Variants in OSBPL10 observed in about 807,000 individuals in gnomAD.
The protein encoded by OSBPL10 is oxysterol binding protein like 10.
OSBPL10 carries 49 observed loss-of-function variants against 81.7 expected under a neutral mutation model. That is an observed-to-expected ratio of 0.60 (90% CI 0.48 to 0.76). The LOEUF (loss-of-function observed/expected upper bound fraction) is 0.76, where lower values mean the gene tolerates loss of function less well. Among genes scored for constraint, OSBPL10 ranks in the 30% least tolerant of loss-of-function variants. OSBPL10 has a pLI of 0.00. For missense variants in OSBPL10, 923 were observed against 987.8 expected, an observed-to-expected ratio of 0.93 and a Z score of 0.88; for synonymous variants, 419 against 383.6, an observed-to-expected ratio of 1.09 and a Z score of -1.08.
chr3:32,041,518 A>G (rs987233564), intron 2 of OSBPL10, among the ~76,000 whole-genome samples: 22 of 152,184 alleles, frequency 1.4e-4, no homozygotes, highest in Non-Finnish European at 1.5e-5. Flanking sequence ...TAAAATGGTC[A>G]CACGCCTCCT....
rs183543796 is a variant in OSBPL10 at position 31,840,481 on chromosome 3, G to A, written c.538-10250C>T. ...GACATCATCAACATGCCCAAGCGGC[G>A]TGCAGACTCCTACAGGAGCTGTGGA... On this transcript the variant is annotated intron_variant, in intron 3 of 11. Transcript: ENST00000396556. Among the ~76,000 whole-genome samples the A allele has an allele frequency of 3.6e-4, 55 of 152,318 alleles. 1 individual carries two copies. Among genetic ancestry groups the A allele is most frequent in the Middle Eastern group, 6.8e-3 (2 of 294 alleles).
Position 31,981,199 on chromosome 3 carries a change from C to T in OSBPL10, c.-20G>A. 1 of 1,375,508 alleles carries T rather than the reference C, an allele frequency of 7.3e-7. No homozygotes were observed. The highest frequency in any genetic ancestry group is 9.3e-7 in the Non-Finnish European group (1 of 1,070,344). The allele number at this position is 1,375,508 out of a possible 1,614,324, so 85.2% of individuals were successfully genotyped here. A position where few individuals can be genotyped will look rare whatever the true frequency, so the allele number is the denominator to read the frequency against. On this transcript the variant is annotated 5_prime_UTR_variant, in exon 1 of 12. Transcript: ENST00000396556. The surrounding 1 kb of genome is among the most constrained non-coding windows in gnomAD (Gnocchi z 4.5). ...CTCCATGGTCCGTGGGCGCCCGGGA[C>T]GCGGGTGCCCGCCGCGGTGGCGGCC...
chr3:31,861,239 G>A (rs60347783), intron 3 of OSBPL10, among the ~76,000 whole-genome samples: 6,071 of 152,100 alleles, frequency 0.04, 209 homozygotes, highest in South Asian at 0.094. Context: ...TGGTGTCCAT[G>A]GGGGATTAGT....
chr3:31,894,730 T>G (rs1696003351), intron 1 of OSBPL10, among the ~76,000 whole-genome samples: 1 of 152,194 alleles, frequency 6.6e-6, no homozygotes, highest in Non-Finnish European at 1.5e-5. Flanking sequence ...TGCCACTGAT[T>G]GATTAGCGGT....
rs1027323678 is a variant in OSBPL10, at chr3:32,030,615, T to C, written n.298+15876A>G. 28 of 1,342,436 alleles carry C rather than the reference T, an allele frequency of 2.1e-5. No homozygotes were observed. In the African/African-American group the frequency reaches 2.7e-4, roughly 13 times the overall value. 83.2% of individuals were successfully genotyped at this position (1,342,436 alleles called of 1,614,324 possible). A position where few individuals can be genotyped will look rare whatever the true frequency, so the allele number is the denominator to read the frequency against. On this transcript the variant is annotated intron_variant and non_coding_transcript_variant, in intron 2 of 3. Transcript: ENST00000479173. ...CTGCTCCACCCAGAGAAGCACACTT[T>C]GTGAGAACCAATGGGAAGTAGCCTG...
Position 31,728,845 on chromosome 3 carries a change from T to C in OSBPL10, c.1095+4412A>G, listed in dbSNP as rs1015148302. On this transcript the variant is annotated intron_variant, in intron 6 of 11. Coordinates refer to ENST00000396556, the MANE Select transcript of OSBPL10 (RefSeq NM_017784.5). ...GAAATGCCTGGGAGAAAAAGTGTTT[T>C]GGATTTTGAATTTTTTTGGAAGTTG... Among the ~76,000 whole-genome samples the C allele has an allele frequency of 9.2e-5, 14 of 152,258 alleles. 2 individuals carry two copies. Among genetic ancestry groups the C allele is most frequent in the Admixed American group, 2.0e-4 (3 of 15,296 alleles).
At position 31,702,480 on chromosome 3, in the gene OSBPL10, G is replaced by A; in HGVS notation, c.1124C>T (p.Ser375Phe). The change falls in exon 7 of 12, where the codon TCT becomes TTT. Residue 375 changes from serine to phenylalanine, a missense_variant. This residue lies in a region of OSBPL10 where 514 missense variants were observed against 508.0 expected (regional missense o/e 1.01). Transcript: ENST00000396556. ...EPNSGSELVLSEDEKSDNEDK... is the reference protein window; with the variant it reads ...EPNSGSELVLFEDEKSDNEDK... ...TTCATTGTCACTTTTTTCATCTTCA[G>A]ACAAAACCAATTCAGAGCCTGAGTT... is the stretch of plus-strand genomic sequence containing the variant. 3.1e-6 allele frequency: 5 copies of A among 1,614,092 alleles called. No homozygotes were observed. Among genetic ancestry groups the A allele is most frequent in the Non-Finnish European group, 3.4e-6 (4 of 1,180,008 alleles).
upstream of OSBPL10, chr3:31,981,395 C>T (rs912854125): frequency 1.0e-4 from 79 of 780,472 alleles, no homozygotes; most frequent in Non-Finnish European, 1.3e-4. The surrounding 1 kb of genome is among the most constrained non-coding windows in gnomAD (Gnocchi z 4.5). Context: ...GCCCCTCCTC[C>T]CGCCGCGGCC....
intron 4 of OSBPL10, among the ~76,000 whole-genome samples, chr3:31,773,277 G>A (rs533556980): frequency 5.3e-5 from 8 of 152,082 alleles, no homozygotes; most frequent in East Asian, 3.9e-4. Flanking sequence ...TAACTCACAC[G>A]AGCATATCTG....
chr3:31,950,412 T>A (rs1266096442), intron 1 of OSBPL10, among the ~76,000 whole-genome samples: 2 of 152,176 alleles, frequency 1.3e-5, no homozygotes, highest in Non-Finnish European at 2.9e-5. Context: ...CAATGAGATA[T>A]CATGTATACC....
chr3:31,888,881 G>A (rs1334693389), intron 1 of OSBPL10, among the ~76,000 whole-genome samples: 1 of 152,060 alleles, frequency 6.6e-6, no homozygotes, highest in African/African-American at 2.4e-5. Context: ...CCGAGATCAC[G>A]TCACTGCACT....
At position 31,844,415 on chromosome 3, in the gene OSBPL10, T is replaced by C. The variant is rs145253754; in HGVS notation, c.538-14184A>G. On this transcript the variant is annotated intron_variant, in intron 3 of 11. Coordinates refer to ENST00000396556, the MANE Select transcript of OSBPL10 (RefSeq NM_017784.5). ...AAGGCAGAAATAACTCAAATTTTCA[T>C]CAACTGATAAATTGATAAATGTGAC... 1.3e-3 allele frequency among the ~76,000 whole-genome samples: 197 copies of C among 152,318 alleles called. 2 individuals are homozygous for C. The highest frequency in any genetic ancestry group is 4.1e-3 in the African/African-American group (170 of 41,570).
At chr3:31,706,179 G>T (rs1194215566) in intron 6 of OSBPL10, among the ~76,000 whole-genome samples, 1 of 152,148 alleles carries the variant, frequency 6.6e-6, no homozygotes, top group Admixed American at 6.5e-5. Context: ...AAAATCAATG[G>T]GCAGGAAAAA....
intron 2 of OSBPL10, among the ~76,000 whole-genome samples, chr3:31,987,082 TTATATATGTATGTCCA>T (rs1437305664): frequency 6.6e-5 from 10 of 150,918 alleles, no homozygotes; most frequent in Non-Finnish European, 1.5e-4. Flanking sequence ...ATATATACTT[TTATATATGTATGTCCA>T]TATATATGTA....
chr3:31,663,037 GCTTCCTGCT>G lies in OSBPL10; in HGVS notation c.2251-930_2251-922del, dbSNP rs373105580. 6.5e-4 allele frequency: 642 copies of G among 985,382 alleles called. 2 individuals are homozygous for G. In the African/African-American group the frequency reaches 9.8e-3, roughly 15 times the overall value. The allele number at this position is 985,382 out of a possible 1,614,324, so 61.0% of individuals were successfully genotyped here. On this transcript the variant is annotated intron_variant, in intron 11 of 11. Coordinates refer to ENST00000396556, the MANE Select transcript of OSBPL10 (RefSeq NM_017784.5). ...CCTGACTCTGGGGAGAACAGTGGTGGCTTCCTGCTCTTCCTGCTCTTAACCATGAATCCA... is the reference window on the plus strand; with the variant it reads ...CCTGACTCTGGGGAGAACAGTGGTGGCTTCCTGCTCTTAACCATGAATCCA...
intron 2 of OSBPL10, among the ~76,000 whole-genome samples, chr3:32,002,890 CTT>C (rs1268044678): frequency 3.3e-5 from 5 of 150,156 alleles, no homozygotes; most frequent in African/African-American, 1.2e-4. Context: ...CTAATTTTTA[CTT>C]TCTCTTGTCT....
chr3:32,059,977 G>C (rs1478091343), intron 1 of OSBPL10, among the ~76,000 whole-genome samples: 1 of 152,082 alleles, frequency 6.6e-6, no homozygotes, highest in Non-Finnish European at 1.5e-5. Context: ...TGGAGGTAAT[G>C]ACTAAAAAGT....
intron 4 of OSBPL10, among the ~76,000 whole-genome samples, chr3:31,766,418 T>A (rs939778932): frequency 1.4e-5 from 2 of 143,622 alleles, no homozygotes; most frequent in African/African-American, 4.9e-5. Flanking sequence ...TCATTGCTCA[T>A]TGCAGACTCA....
At chr3:31,940,473 T>A (rs1697503374) in intron 1 of OSBPL10, among the ~76,000 whole-genome samples, 1 of 152,200 alleles carries the variant, frequency 6.6e-6, no homozygotes, top group Non-Finnish European at 1.5e-5. Context: ...ATGTCCTATA[T>A]CTGGTTTGAT....
Sources: gnomAD v4.1 joint callset for allele counts (sites outside exome capture counted in the v4.1 genomes callset) on GRCh38, gnomAD v4.1.1 for gene constraint, gnomAD v4.1.1 regional missense constraint, Gnocchi (gnomAD v3.1) non-coding constraint, MANE v1.5 for transcripts, NCBI Gene and HGNC (gene_info 2026-07-23, HGNC 2026-07-21) for gene names.